The following NEXMIF variants were observed in gnomAD, a reference collection of about 807,000 sequenced individuals.
The protein encoded by NEXMIF is XLMR protein related to neurite extension.
Under a neutral mutation model 62.1 loss-of-function variants are expected in NEXMIF, and 8 were observed. The ratio of observed to expected loss-of-function variants is 0.13; its 90% confidence interval spans 0.08 to 0.23. The LOEUF is 0.23. NEXMIF is among the 10% of genes least tolerant of loss of function. The pLI is 1.00. For synonymous variants in NEXMIF, 404 were observed against 416.6 expected, an observed-to-expected ratio of 0.97 and a Z score of 0.37; for missense variants, 976 against 1,113.3, an observed-to-expected ratio of 0.88 and a Z score of 1.75.
chrX:74,740,827 C>G lies in NEXMIF; in HGVS notation c.3730G>C (p.Gly1244Arg), dbSNP rs2080100041. 8.3e-7 allele frequency: 1 copy of G among 1,212,039 alleles called. No individual in the cohort carries two copies. Among genetic ancestry groups the G allele is most frequent in the East Asian group, 3.0e-5 (1 of 33,827 alleles). The change falls in exon 3 of 4, where the codon GGG (glycine) becomes CGG (arginine). Residue 1244 changes from glycine to arginine, a missense_variant. Coordinates refer to ENST00000055682, the MANE Select transcript of NEXMIF (RefSeq NM_001008537.3). ...GEKMQIGIGRGGSQTNTISST... is the reference protein window; with the variant it reads ...GEKMQIGIGRRGSQTNTISST... ...GATATGGTGTTGGTTTGGCTTCCCC[C>G]ACGGCCAATGCCAATTTGCATTTTC...
intron 1 of NEXMIF, among the ~76,000 whole-genome samples, chrX:74,871,666 T>G (rs1030773664): frequency 9.0e-6 from 1 of 111,145 alleles, no homozygotes; most frequent in Non-Finnish European, 1.9e-5. Context: ...GCTGGGAAAA[T>G]AATTCAGCAA....
At chrX:74,855,618 A>G (rs1174352204) in intron 1 of NEXMIF, among the ~76,000 whole-genome samples, 1 of 111,984 alleles carries the variant, frequency 8.9e-6, no homozygotes, top group Non-Finnish European at 1.9e-5. Context: ...TGCACAGGAA[A>G]TACCTGAAAA....
At chrX:74,858,850 A>T (rs1014014850) in intron 1 of NEXMIF, among the ~76,000 whole-genome samples, 1 of 109,841 alleles carries the variant, frequency 9.1e-6, no homozygotes, top group Non-Finnish European at 1.9e-5. Context: ...GAAATTCTGG[A>T]GTTGAAAAAT....
chrX:74,791,262 T>G (rs1397544475), intron 1 of NEXMIF, among the ~76,000 whole-genome samples: 2 of 112,030 alleles, frequency 1.8e-5, no homozygotes, highest in African/African-American at 3.2e-5. Flanking sequence ...TGGCTCTGTT[T>G]ATGTGCTGGA....
intron 3 of NEXMIF, 109 bp from the exon 4 acceptor site, chrX:74,739,607 G>A: frequency 2.1e-6 from 1 of 467,707 alleles, no homozygotes; most frequent in Non-Finnish European, 3.6e-6. Flanking sequence ...GCCGTATGAT[G>A]TAGAAAAAGA....
At chrX:74,909,703 TCC>T (rs2147373085) in intron 1 of NEXMIF, among the ~76,000 whole-genome samples, 1 of 112,136 alleles carries the variant, frequency 8.9e-6, no homozygotes. Flanking sequence ...TGGCAGCCTC[TCC>T]CATCATAGAC....
intron 1 of NEXMIF, among the ~76,000 whole-genome samples, chrX:74,754,319 T>A (rs1217891699): frequency 1.4e-4 from 15 of 106,352 alleles, no homozygotes; most frequent in South Asian, 4.2e-4. Flanking sequence ...TTTATTTTTT[T>A]TTTTTGTGAG....
At chrX:74,806,108 TTTG>T (rs1353020795) in intron 1 of NEXMIF, among the ~76,000 whole-genome samples, 1 of 111,869 alleles carries the variant, frequency 8.9e-6, no homozygotes, top group African/African-American at 3.2e-5. Flanking sequence ...CACTCTGTGG[TTTG>T]TTATTTTATT....
rs2080076591 is a variant in NEXMIF, at chrX:74,733,156, A to G, written c.*6249T>C. On this transcript the variant is annotated 3_prime_UTR_variant, in exon 4 of 4. Transcript: ENST00000055682. ...GGGCTTGGAATTTCGCATTCCTAAC[A>G]AGTTCCCAGATGATGGCAATGCTGC... 1 of 111,816 alleles carries G rather than the reference A, an allele frequency of 8.9e-6. No individual in the cohort carries two copies. Among genetic ancestry groups the G allele is most frequent in the African/African-American group, 3.2e-5 (1 of 30,780 alleles). 9.2% of individuals were successfully genotyped at this position (111,816 alleles called of 1,213,427 possible). A position where few individuals can be genotyped will look rare whatever the true frequency, so the allele number is the denominator to read the frequency against.
chrX:74,836,171 C>A (rs753398317), intron 1 of NEXMIF, among the ~76,000 whole-genome samples: 2 of 112,265 alleles, frequency 1.8e-5, no homozygotes, highest in Non-Finnish European at 3.8e-5. Flanking sequence ...TACTGCCAGG[C>A]CTGTGACTCA....
chrX:74,884,040 C>A (rs1247162353), intron 1 of NEXMIF, among the ~76,000 whole-genome samples: 1 of 111,824 alleles, frequency 8.9e-6, no homozygotes, highest in South Asian at 3.8e-4. Flanking sequence ...CATATCCAGC[C>A]AAACTAAGCT....
intron 1 of NEXMIF, among the ~76,000 whole-genome samples, chrX:74,892,132 G>A (rs1240393344): frequency 8.9e-6 from 1 of 112,422 alleles, no homozygotes; most frequent in Non-Finnish European, 1.9e-5. Flanking sequence ...CTGTAAGGTT[G>A]TTTAATGTTT....
chrX:74,768,437 G>A (rs1001132439), intron 1 of NEXMIF, among the ~76,000 whole-genome samples: 3 of 112,212 alleles, frequency 2.7e-5, no homozygotes, highest in African/African-American at 9.7e-5. Context: ...CAGCCTCCCC[G>A]AAACTGATGT....
chrX:74,893,514 A>G (rs2080724018), intron 1 of NEXMIF, among the ~76,000 whole-genome samples: 1 of 112,156 alleles, frequency 8.9e-6, no homozygotes, highest in African/African-American at 3.2e-5. Flanking sequence ...AAGCCATTTT[A>G]TTTTGTGTGC....
At chrX:74,827,170 C>T (rs1461871455) in intron 1 of NEXMIF, among the ~76,000 whole-genome samples, 1 of 112,681 alleles carries the variant, frequency 8.9e-6, no homozygotes, top group African/African-American at 3.2e-5. Context: ...AGCCTGTCAG[C>T]ACTAAAGCTG....
chrX:74,805,766 A>G (rs1384562238), intron 1 of NEXMIF, among the ~76,000 whole-genome samples: 1 of 111,446 alleles, frequency 9.0e-6, no homozygotes, highest in East Asian at 2.8e-4. Flanking sequence ...ATTTTTGTCA[A>G]CTTTGTCAAA....
chrX:74,819,817 C>A (rs759053292), intron 1 of NEXMIF, among the ~76,000 whole-genome samples: 1 of 111,800 alleles, frequency 8.9e-6, no homozygotes, highest in African/African-American at 3.3e-5. Context: ...TACCATTTGA[C>A]CCAGCAATCC....
chrX:74,913,712 C>T (rs2080798200), intron 1 of NEXMIF, among the ~76,000 whole-genome samples: 1 of 111,298 alleles, frequency 9.0e-6, no homozygotes, highest in South Asian at 3.7e-4. Context: ...AAGCAGATTT[C>T]TCATCAGAAC....
Position 74,791,202 on chromosome X carries a change from G to T in NEXMIF, c.-47-45505C>A, listed in dbSNP as rs1247520430. On this transcript the variant is annotated intron_variant, in intron 1 of 3. Coordinates refer to ENST00000055682, the MANE Select transcript of NEXMIF (RefSeq NM_001008537.3). ...TTAGCGTGAATGGTTGTTGAATTTT[G>T]TCAAAGGCTTTTTCTGCATCTATTG... Among the ~76,000 whole-genome samples, 4 of 111,651 alleles carry T rather than the reference G, an allele frequency of 3.6e-5. No homozygotes were observed. In the East Asian group the frequency reaches 1.1e-3, roughly 32 times the overall value.
Sources: gnomAD v4.1 joint callset for allele counts (sites outside exome capture counted in the v4.1 genomes callset) on GRCh38, gnomAD v4.1.1 for gene constraint, MANE v1.5 for transcripts, NCBI Gene and HGNC (gene_info 2026-07-23, HGNC 2026-07-21) for gene names.